Variants in KPNB1 observed in about 807,000 individuals in gnomAD.
The protein encoded by KPNB1 is karyopherin subunit beta 1, also known as importin subunit beta-1.
KPNB1 carries 7 observed loss-of-function variants against 113.0 expected under a neutral mutation model. The ratio of observed to expected loss-of-function variants is 0.06; its 90% CI spans 0.04 to 0.12. The LOEUF is 0.12. Ranked by LOEUF, KPNB1 falls within the 10% of genes least tolerant of loss-of-function variation. KPNB1 has a pLI of 1.00. For missense variants in KPNB1, 400 were observed against 1,054.8 expected (o/e 0.38, Z 8.60); for synonymous variants, 363 against 378.6 (o/e 0.96, Z 0.48).
rs779608185 is a variant in KPNB1, at chr17:47,673,054, A to T, written c.1584A>T (p.Ala528=). The T allele has an allele frequency of 1.2e-6, 2 of 1,613,982 alleles. No homozygotes were observed. The highest frequency in any genetic ancestry group is 2.7e-5 in the African/African-American group (2 of 74,916). ...DGHQNNLRSS[A]YESLMEIVKN... ...ACCAGAACAACCTGAGGAGTTCTGC[A>T]TATGAATCTCTGATGGAAATTGTGA... is the stretch of plus-strand genomic sequence containing the variant. Residue 528 remains alanine, a synonymous_variant, in exon 13 of 22, where the codon GCA becomes GCT. Coordinates refer to ENST00000290158, the MANE Select transcript of KPNB1 (RefSeq NM_002265.6).
chr17:47,671,369 T>C (rs568389420), intron 12 of KPNB1, among the ~76,000 whole-genome samples: 1 of 152,366 alleles, frequency 6.6e-6, no homozygotes, highest in South Asian at 2.1e-4. Flanking sequence ...GAATATAGTG[T>C]AATTTCTCTG....
chr17:47,672,628 TC>T (rs2030484369), intron 12 of KPNB1, among the ~76,000 whole-genome samples: 2 of 152,308 alleles, frequency 1.3e-5, no homozygotes, highest in South Asian at 4.1e-4. Context: ...CCTCAAGTGA[TC>T]CGCCTGCCTC....
At chr17:47,674,094 G>A (rs907845339) in intron 14 of KPNB1, among the ~76,000 whole-genome samples, 3 of 152,072 alleles carry the variant, frequency 2.0e-5, no homozygotes, top group African/African-American at 4.8e-5. Context: ...AATTTGTACC[G>A]TCATCTTTTG....
rs1450658540 is a variant in KPNB1, at chr17:47,683,117, A to C, written c.*713A>C. Reference sequence around the variant, plus strand: ...AAAAAAAAAAAAAAAAAAAAAAAAAAAACACACACACAGAGGAAAGACGCT... The same window carrying C: ...AAAAAAAAAAAAAAAAAAAAAAAAACAACACACACACAGAGGAAAGACGCT... On this transcript the variant is annotated 3_prime_UTR_variant, in exon 22 of 22. Transcript: ENST00000290158. 3 of 147,792 alleles carry C rather than the reference A, an allele frequency of 2.0e-5. No homozygotes were observed. Among genetic ancestry groups the C allele is most frequent in the East Asian group, 3.9e-4 (2 of 5,116 alleles). 9.2% of individuals were successfully genotyped at this position (147,792 alleles called of 1,614,324 possible). A position where few individuals can be genotyped will look rare whatever the true frequency, so the allele number is the denominator to read the frequency against.
In KPNB1 at chr17:47,678,055, G is replaced by A. The variant is rs1436437918; in HGVS notation, c.2113G>A (p.Val705Ile). The A allele has an allele frequency of 6.2e-7, 1 of 1,614,052 alleles. No homozygotes were observed. Among genetic ancestry groups the A allele is most frequent in the Non-Finnish European group, 8.5e-7 (1 of 1,179,928 alleles). ...TTTTGTTCCTTGTCAGAATGAGAAC[G>A]TCCACAGGTCTGTGAAGCCGCAGAT... ...LLLENLGNENVHRSVKPQILS... is the reference protein window; with the variant it reads ...LLLENLGNENIHRSVKPQILS... The change falls in exon 18 of 22, where the codon GTC becomes ATC. Residue 705 changes from valine to isoleucine, a missense_variant. Physicochemically the swap from Val to Ile is conservative, Grantham distance 29 (BLOSUM62 3). This residue lies in a region of KPNB1 where 115 missense variants were observed against 427.9 expected (regional missense o/e 0.27). Transcript: ENST00000290158.
chr17:47,684,842 T>C lies in KPNB1; in HGVS notation c.*2438T>C, dbSNP rs562744668. ...TGGTTATGCATTTAATTCTCCTCTT[T>C]TCTAGTTAACCTTTTGCCAGTGGGT... On this transcript the variant is annotated 3_prime_UTR_variant, in exon 22 of 22. Coordinates refer to ENST00000290158, the MANE Select transcript of KPNB1 (RefSeq NM_002265.6). 2.0e-5 allele frequency: 3 copies of C among 152,758 alleles called. No individual in the cohort carries two copies. Among genetic ancestry groups the C allele is most frequent in the East Asian group, 1.9e-4 (1 of 5,192 alleles). The allele number at this position is 152,758 out of a possible 1,614,324, so 9.5% of individuals were successfully genotyped here. A position where few individuals can be genotyped will look rare whatever the true frequency, so the allele number is the denominator to read the frequency against.
chr17:47,667,530 T>C (rs1180059001), intron 9 of KPNB1, among the ~76,000 whole-genome samples: 1 of 151,930 alleles, frequency 6.6e-6, no homozygotes, highest in East Asian at 1.9e-4. Context: ...TTGTTGATTT[T>C]GGACTTTATT....
At chr17:47,682,351 C>T (rs1468857516) in intron 21 of KPNB1, 53 bp from the exon 22 acceptor site, 5 of 780,334 alleles carry the variant, frequency 6.4e-6, no homozygotes, top group Admixed American at 5.1e-5. Flanking sequence ...ATTATTGGCT[C>T]TGTTGGGTAT....
chr17:47,680,211 A>G, intron 20 of KPNB1, 77 bp downstream of exon 20: 1 of 1,060,798 alleles, frequency 9.4e-7, no homozygotes, highest in Non-Finnish European at 1.5e-6. Flanking sequence ...AGGAGTTTTG[A>G]GAGTATCGCG....
chr17:47,675,437 A>G (rs2030590175), intron 15 of KPNB1, among the ~76,000 whole-genome samples: 1 of 131,212 alleles, frequency 7.6e-6, no homozygotes, highest in African/African-American at 3.0e-5. Flanking sequence ...GTGCAGTGGC[A>G]CCATCTTGGC....
chr17:47,651,957 A>C (rs1354689000), intron 2 of KPNB1, among the ~76,000 whole-genome samples: 2 of 152,254 alleles, frequency 1.3e-5, no homozygotes, highest in Non-Finnish European at 2.9e-5. Context: ...TGATCATTAG[A>C]TACAAAGTTA....
Position 47,682,660 on chromosome 17 carries a change from A to C in KPNB1, c.*256A>C, listed in dbSNP as rs2030819199. The C allele has an allele frequency of 3.7e-6, 2 of 539,320 alleles. No homozygotes were observed. The highest frequency in any genetic ancestry group is 6.6e-6 in the Non-Finnish European group (2 of 305,308). 33.4% of individuals were successfully genotyped at this position (539,320 alleles called of 1,614,324 possible). A position where few individuals can be genotyped will look rare whatever the true frequency, so the allele number is the denominator to read the frequency against. On this transcript the variant is annotated 3_prime_UTR_variant, in exon 22 of 22. Coordinates refer to ENST00000290158, the MANE Select transcript of KPNB1 (RefSeq NM_002265.6). ...ACATCGGCCATCTTGGAAAAGAGAAAAACAATGGAGTTACTTATTTAAAAA... is the reference window on the plus strand; with the variant it reads ...ACATCGGCCATCTTGGAAAAGAGAACAACAATGGAGTTACTTATTTAAAAA...
chr17:47,660,714 A>G (rs1056282171), intron 5 of KPNB1, among the ~76,000 whole-genome samples: 3 of 152,258 alleles, frequency 2.0e-5, no homozygotes, highest in Non-Finnish European at 2.9e-5. Context: ...GCTACCTCTC[A>G]GAAAACAAAT....
At chr17:47,661,864 A>G in intron 6 of KPNB1, among the ~76,000 whole-genome samples, 1 of 152,226 alleles carries the variant, frequency 6.6e-6, no homozygotes, top group Non-Finnish European at 1.5e-5. Flanking sequence ...GCCGTAGGTT[A>G]TTCAAGCCAT....
At chr17:47,682,154 C>T (rs1352715676) in intron 21 of KPNB1, among the ~76,000 whole-genome samples, 4 of 152,212 alleles carry the variant, frequency 2.6e-5, no homozygotes, top group Admixed American at 6.5e-5. Context: ...ATTTCTTTCA[C>T]TCTTAATTAG....
intron 9 of KPNB1, among the ~76,000 whole-genome samples, chr17:47,667,713 A>G (rs1245349737): frequency 1.3e-5 from 2 of 151,648 alleles, no homozygotes; most frequent in Non-Finnish European, 2.9e-5. Context: ...ACGTGCCACC[A>G]CACCCAGCTA....
At chr17:47,674,579 T>C in intron 14 of KPNB1, 59 bp from the exon 15 acceptor site, 1 of 1,519,632 alleles carries the variant, frequency 6.6e-7, no homozygotes, top group Non-Finnish European at 8.9e-7. Context: ...AGAAAAGGTA[T>C]AGTGTTCTGA....
chr17:47,664,896 T>C (rs1211570480), intron 8 of KPNB1, among the ~76,000 whole-genome samples, 161 bp from the exon 9 acceptor site: 4 of 152,174 alleles, frequency 2.6e-5, no homozygotes, highest in African/African-American at 9.7e-5. Flanking sequence ...CTCACTGAAG[T>C]AGACCAAAAA....
rs530673910 is a variant in KPNB1 at position 47,674,929 on chromosome 17, A to G, written c.1912+147A>G. On this transcript the variant is annotated intron_variant, in intron 15 of 21. Transcript: ENST00000290158. ...AATCGTGGGCTCACATGATCCTTCC[A>G]CTTCAGTGCCCCCACAGTAGCTGGG... is the stretch of plus-strand genomic sequence containing the variant. 23 of 732,044 alleles carry G rather than the reference A, an allele frequency of 3.1e-5. 1 individual carries two copies. The Admixed American group carries it at 7.2e-4, about 23-fold the overall frequency. 45.3% of individuals were successfully genotyped at this position (732,044 alleles called of 1,614,324 possible).
Sources: gnomAD v4.1 joint callset for allele counts (sites outside exome capture counted in the v4.1 genomes callset) on GRCh38, gnomAD v4.1.1 for gene constraint, gnomAD v4.1.1 regional missense constraint, MANE v1.5 for transcripts, NCBI Gene and HGNC (gene_info 2026-07-23, HGNC 2026-07-21) for gene names.